The following ATP2C1 variants were observed in gnomAD, a reference collection of about 807,000 sequenced individuals.
ATP2C1 encodes calcium-transporting ATPase type 2C member 1.
Under a neutral mutation model 120.5 loss-of-function variants are expected in ATP2C1, and 31 were observed. The ratio of observed to expected loss-of-function variants is 0.26; its 90% CI spans 0.19 to 0.35. ATP2C1 has a LOEUF of 0.35. Ranked by LOEUF, ATP2C1 falls within the 10% of genes least tolerant of loss-of-function variation. ATP2C1 has a pLI of 1.00. For synonymous variants in ATP2C1, 351 were observed against 358.7 expected, an observed-to-expected ratio of 0.98 and a Z score of 0.24; for missense variants, 731 against 1,107.5, an observed-to-expected ratio of 0.66 and a Z score of 4.83.
chr3:130,969,860 G>A (rs1233308093), intron 17 of ATP2C1, among the ~76,000 whole-genome samples: 2 of 152,178 alleles, frequency 1.3e-5, no homozygotes, highest in Admixed American at 1.3e-4. Flanking sequence ...CAGCTTACAA[G>A]CTGACAAAAT....
intron 1 of ATP2C1, among the ~76,000 whole-genome samples, chr3:130,859,556 A>T (rs1482228032): frequency 6.6e-6 from 1 of 152,178 alleles, no homozygotes; most frequent in Non-Finnish European, 1.5e-5. Flanking sequence ...CTTCTTCTTC[A>T]ATCAAGCCTC....
intron 1 of ATP2C1, among the ~76,000 whole-genome samples, chr3:130,862,346 A>G (rs2068042965): frequency 6.8e-6 from 1 of 147,232 alleles, no homozygotes; most frequent in East Asian, 2.0e-4. Context: ...TTATTTATTT[A>G]TTTATTTATT....
At chr3:130,957,615 C>T (rs566381083) in intron 11 of ATP2C1, among the ~76,000 whole-genome samples, 2 of 152,086 alleles carry the variant, frequency 1.3e-5, no homozygotes, top group South Asian at 2.1e-4. Flanking sequence ...GGCGCAATCC[C>T]GGCTGACTGT....
At chr3:130,916,144 G>A (rs1402307841) in intron 2 of ATP2C1, among the ~76,000 whole-genome samples, 2 of 151,928 alleles carry the variant, frequency 1.3e-5, no homozygotes, top group Non-Finnish European at 2.9e-5. Flanking sequence ...AGTGGCTCAC[G>A]CCTGTAATCC....
At position 130,953,868 on chromosome 3, in the gene ATP2C1, G is replaced by T; in HGVS notation, c.579G>T (p.Thr193=). 2 of 1,614,010 alleles carry T rather than the reference G, an allele frequency of 1.2e-6. No individual in the cohort carries two copies. Among genetic ancestry groups the T allele is most frequent in the Non-Finnish European group, 1.7e-6 (2 of 1,179,958 alleles). ...AGTCCAGCTTGACAGGTGAGACAAC[G>T]CCTTGTTCTAAGGTGACAGCTCCTC... ...IDESSLTGET[T]PCSKVTAPQP... is the part of the protein sequence containing the mutation. The change falls in exon 9 of 28, where the codon ACG becomes ACT. Residue 193 remains threonine (T), a synonymous_variant. Transcript: ENST00000510168.
chr3:130,972,010 G>C (rs536114683), intron 17 of ATP2C1, among the ~76,000 whole-genome samples: 4 of 152,320 alleles, frequency 2.6e-5, no homozygotes, highest in African/African-American at 9.6e-5. Flanking sequence ...GTGGTCCCCA[G>C]CCTTTTTGGC....
intron 1 of ATP2C1, among the ~76,000 whole-genome samples, chr3:130,864,368 G>A (rs920120084): frequency 2.6e-5 from 4 of 152,234 alleles, no homozygotes; most frequent in Non-Finnish European, 5.9e-5. Flanking sequence ...AAGACATTCA[G>A]TTTTATAAGG....
In ATP2C1 at chr3:130,870,170, C is replaced by CA. The variant is rs774823282; in HGVS notation, c.108+19253dup. On this transcript the variant is annotated intron_variant, in intron 1 of 26. Coordinates refer to the ATP2C1 transcript ENST00000504381. ...TATTTTAAGCCCACTGTTGAGACCT[C>CA]AAAAAAAAAAATAGATTCCTTTCAA... 8.4e-3 allele frequency among the ~76,000 whole-genome samples: 1,224 copies of CA among 145,614 alleles called. 12 individuals carry two copies. The highest frequency in any genetic ancestry group is 0.023 in the African/African-American group (903 of 39,848).
At chr3:130,963,045 A>G (rs1037607067) in intron 12 of ATP2C1, 1 of 152,068 alleles carries the variant, frequency 6.6e-6, no homozygotes, top group African/African-American at 2.4e-5. Context: ...TAAATTGCTT[A>G]TGTCCTTATT....
At chr3:130,932,970 C>T (rs973897266) in intron 4 of ATP2C1, among the ~76,000 whole-genome samples, 17 of 152,228 alleles carry the variant, frequency 1.1e-4, no homozygotes, top group African/African-American at 4.1e-4. Context: ...GTGTATATGT[C>T]TTATTTTTAT....
At chr3:131,010,851 C>T (rs982790839) in intron 26 of ATP2C1, among the ~76,000 whole-genome samples, 5 of 152,190 alleles carry the variant, frequency 3.3e-5, no homozygotes, top group African/African-American at 1.2e-4. Flanking sequence ...AATCTTTGTA[C>T]TGCTTAACAC....
downstream of ATP2C1, among the ~76,000 whole-genome samples, chr3:131,006,228 C>A (rs139859798): frequency 6.6e-6 from 1 of 152,174 alleles, no homozygotes; most frequent in African/African-American, 2.4e-5. Flanking sequence ...TCTCCTGCCT[C>A]AGCCTCCCGA....
downstream of ATP2C1, among the ~76,000 whole-genome samples, chr3:131,007,232 T>C (rs1468407655): frequency 6.6e-6 from 1 of 152,208 alleles, no homozygotes; most frequent in Non-Finnish European, 1.5e-5. Context: ...CGTGAACATA[T>C]ATGATGTAAC....
At chr3:130,879,826 C>A (rs1306694875) in intron 1 of ATP2C1, among the ~76,000 whole-genome samples, 1 of 152,184 alleles carries the variant, frequency 6.6e-6, no homozygotes, top group Non-Finnish European at 1.5e-5. Context: ...GTGGTGTCTG[C>A]AAGTTCCTCA....
chr3:130,935,381 A>G (rs2059621391), intron 5 of ATP2C1, among the ~76,000 whole-genome samples: 1 of 152,222 alleles, frequency 6.6e-6, no homozygotes, highest in African/African-American at 2.4e-5. Context: ...TACATTTACT[A>G]TATATGATTT....
intron 2 of ATP2C1, among the ~76,000 whole-genome samples, chr3:130,928,827 T>C (rs971418876): frequency 2.4e-4 from 36 of 152,230 alleles, no homozygotes; most frequent in Admixed American, 7.2e-4. Context: ...ATTTGATTCT[T>C]CTTAATTTTG....
intron 6 of ATP2C1, among the ~76,000 whole-genome samples, chr3:130,938,629 A>G (rs2059769694): frequency 6.6e-6 from 1 of 152,240 alleles, no homozygotes; most frequent in South Asian, 2.1e-4. Flanking sequence ...CTTCTTGCTT[A>G]GACAAATGTT....
At chr3:130,902,266 C>T (rs777869680) in intron 2 of ATP2C1, among the ~76,000 whole-genome samples, 16 of 109,848 alleles carry the variant, frequency 1.5e-4, no homozygotes, top group Non-Finnish European at 2.5e-4. Flanking sequence ...CTTTTAACTG[C>T]TAATTTCAAG....
At chr3:130,934,505 GTA>G (rs1559942074) in intron 4 of ATP2C1, 115 bp from the exon 5 acceptor site, 1 of 701,080 alleles carries the variant, frequency 1.4e-6, no homozygotes, top group East Asian at 2.7e-5. Flanking sequence ...AATAAACTGA[GTA>G]TAGACTTTTG....
Sources: allele counts gnomAD v4.1 joint callset (sites outside exome capture counted in the v4.1 genomes callset), GRCh38; gene constraint gnomAD v4.1.1; transcripts MANE v1.5; gene names NCBI Gene and HGNC (gene_info 2026-07-23, HGNC 2026-07-21).